PLXNA4: variants seen among roughly 807,000 people sequenced by gnomAD.
The protein encoded by PLXNA4 is plexin-A4.
A neutral mutation model predicts 191.8 loss-of-function variants in PLXNA4; 44 were observed. The ratio of observed to expected loss-of-function variants is 0.23; its 90% CI spans 0.18 to 0.29. The LOEUF is 0.29. Among genes scored for constraint, PLXNA4 ranks in the 10% least tolerant of loss-of-function variants. PLXNA4 has a pLI of 1.00. For missense variants in PLXNA4, 1,800 were observed against 2,488.8 expected, an observed-to-expected ratio of 0.72 and a Z score of 5.89; for synonymous variants, 1,082 against 1,009.5, an observed-to-expected ratio of 1.07 and a Z score of -1.36.
intron 2 of PLXNA4, among the ~76,000 whole-genome samples, chr7:132,615,220 G>C (rs189855981): frequency 6.6e-6 from 1 of 152,212 alleles, no homozygotes; most frequent in Admixed American, 6.5e-5. Context: ...CGGGAGGGGG[G>C]TTCGGGAGAT....
chr7:132,401,481 C>A (rs912670392), intron 3 of PLXNA4, among the ~76,000 whole-genome samples: 1 of 152,198 alleles, frequency 6.6e-6, no homozygotes, highest in Admixed American at 6.5e-5. Context: ...AATCCAGAAA[C>A]AATCAGCATG....
intron 10 of PLXNA4, among the ~76,000 whole-genome samples, chr7:132,204,363 A>C (rs558578207): frequency 1.3e-5 from 2 of 152,210 alleles, no homozygotes; most frequent in Non-Finnish European, 2.9e-5. Flanking sequence ...CACCCTGGGC[A>C]GCAATTTCCA....
rs572247678 is a variant in PLXNA4, at chr7:132,620,642, G to A, written c.-87+25286C>T. Among the ~76,000 whole-genome samples, 21 of 152,204 alleles carry A rather than the reference G, an allele frequency of 1.4e-4. No homozygotes were observed. In the East Asian group the frequency reaches 4.0e-3, roughly 29 times the overall value. On this transcript the variant is annotated intron_variant, in intron 2 of 4. Transcript: ENST00000378539. ...ACATAAATGTATATGTACTTAGAGA[G>A]ATTTGTAGTTTTTGTCTTGTTCTCA...
At chr7:132,495,571 T>C (rs1366347312) in intron 2 of PLXNA4, among the ~76,000 whole-genome samples, 1 of 152,180 alleles carries the variant, frequency 6.6e-6, no homozygotes, top group East Asian at 1.9e-4. Flanking sequence ...AAATCAGATC[T>C]GGTCTTCCCA....
chr7:132,261,357 C>G (rs1412414415), intron 4 of PLXNA4, among the ~76,000 whole-genome samples: 1 of 152,220 alleles, frequency 6.6e-6, no homozygotes, highest in Non-Finnish European at 1.5e-5. Flanking sequence ...TTTCTCTCTC[C>G]TAGCTGTGCT....
At chr7:132,572,052 G>A (rs1802004429) in intron 1 of PLXNA4, among the ~76,000 whole-genome samples, 1 of 152,154 alleles carries the variant, frequency 6.6e-6, no homozygotes, top group African/African-American at 2.4e-5. Flanking sequence ...AGAGACTAGG[G>A]ACCAGATATT....
At chr7:132,424,796 T>C (rs751078588) in intron 3 of PLXNA4, among the ~76,000 whole-genome samples, 5 of 152,248 alleles carry the variant, frequency 3.3e-5, no homozygotes, top group Non-Finnish European at 7.3e-5. Flanking sequence ...ATAACAATTT[T>C]ATACATAAAT....
intron 13 of PLXNA4, among the ~76,000 whole-genome samples, chr7:132,197,210 A>G (rs1385433125): frequency 6.6e-6 from 1 of 151,984 alleles, no homozygotes; most frequent in Non-Finnish European, 1.5e-5. Context: ...TAACTCTTTA[A>G]TCCATCTGGA....
chr7:132,633,931 T>TCA (rs145260888), intron 2 of PLXNA4, among the ~76,000 whole-genome samples: 11 of 150,946 alleles, frequency 7.3e-5, no homozygotes, highest in South Asian at 2.1e-4. Flanking sequence ...CTCCAGCACA[T>TCA]CACACACACA....
At chr7:132,582,862 TAAG>T (rs1802430882) in intron 2 of PLXNA4, among the ~76,000 whole-genome samples, 1 of 152,190 alleles carries the variant, frequency 6.6e-6, no homozygotes, top group African/African-American at 2.4e-5. Flanking sequence ...GGCTGTAGAA[TAAG>T]AAGGACAAAG....
intron 3 of PLXNA4, chr7:132,484,776 T>C (rs1286320843): frequency 6.2e-7 from 1 of 1,611,684 alleles, no homozygotes; most frequent in Non-Finnish European, 8.5e-7. Context: ...CTATGAATAT[T>C]TATTTTTAGT....
intron 2 of PLXNA4, among the ~76,000 whole-genome samples, chr7:132,606,519 T>A (rs1263204104): frequency 6.6e-6 from 1 of 152,252 alleles, no homozygotes; most frequent in African/African-American, 2.4e-5. Flanking sequence ...TATGCAGTTT[T>A]CTGCATTCAC....
chr7:132,179,972 T>C (rs1252799835), intron 19 of PLXNA4, 51 bp from the exon 20 acceptor site: 12 of 1,543,074 alleles, frequency 7.8e-6, no homozygotes, highest in Non-Finnish European at 1.1e-5. Context: ...GCAGCAGCTT[T>C]GGCAACAGTC....
chr7:132,381,015 G>A (rs999570191), intron 3 of PLXNA4, among the ~76,000 whole-genome samples: 7 of 152,230 alleles, frequency 4.6e-5, no homozygotes, highest in African/African-American at 7.2e-5. Context: ...TTTCTGAAAC[G>A]GATCTGAATC....
At chr7:132,138,031 G>A (rs1795164342) in intron 30 of PLXNA4, among the ~76,000 whole-genome samples, 1 of 152,060 alleles carries the variant, frequency 6.6e-6, no homozygotes, top group Admixed American at 6.6e-5. Flanking sequence ...AAAGATGAGT[G>A]GGAGGGTAAA....
intron 28 of PLXNA4, 80 bp from the exon 29 acceptor site, chr7:132,145,368 T>C (rs781734382): frequency 1.3e-6 from 2 of 1,584,812 alleles, no homozygotes; most frequent in South Asian, 1.1e-5. Flanking sequence ...CTCACAGACC[T>C]AGGCAGGGGA....
chr7:132,127,869 T>C lies in PLXNA4; in HGVS notation c.*2610A>G, dbSNP rs1794814175. 1.5e-5 allele frequency: 2 copies of C among 136,046 alleles called. No homozygotes were observed. Among genetic ancestry groups the C allele is most frequent in the Non-Finnish European group, 1.6e-5 (1 of 63,006 alleles). The allele number at this position is 136,046 out of a possible 1,614,324, so 8.4% of individuals were successfully genotyped here. On this transcript the variant is annotated 3_prime_UTR_variant, in exon 32 of 32. Coordinates refer to ENST00000321063, the MANE Select transcript of PLXNA4 (RefSeq NM_020911.2). ...AAAAACATGGAATAAAATAAAGTCC[T>C]GTACCGCCAAAGTAACAATAACAAT... is the stretch of plus-strand genomic sequence containing the variant.
intron 2 of PLXNA4, among the ~76,000 whole-genome samples, chr7:132,586,069 T>C (rs73724085): frequency 0.012 from 1,836 of 152,312 alleles, 39 homozygotes; most frequent in African/African-American, 0.043. Flanking sequence ...AATAAAATCC[T>C]TGTAGAACAC....
chr7:132,220,792 G>C (rs1384758158), intron 9 of PLXNA4, among the ~76,000 whole-genome samples: 1 of 149,688 alleles, frequency 6.7e-6, no homozygotes, highest in Non-Finnish European at 1.5e-5. Flanking sequence ...GGGACACATG[G>C]TGGGCTCTTA....
Sources: gnomAD v4.1 joint callset for allele counts (sites outside exome capture counted in the v4.1 genomes callset) on GRCh38, gnomAD v4.1.1 for gene constraint, MANE v1.5 for transcripts, NCBI Gene and HGNC (gene_info 2026-07-23, HGNC 2026-07-21) for gene names.